Variants in XKR9 observed in about 807,000 individuals in gnomAD.
XKR9 encodes the protein XK related 9, also known as XK-related protein 9.
Under a neutral mutation model 32.0 loss-of-function variants are expected in XKR9, and 32 were observed. The observed-to-expected ratio is 1.00, with a 90% CI of 0.76 to 1.34. XKR9 has a LOEUF of 1.34. XKR9 is among the 40% of genes most tolerant of loss of function. The pLI is 0.00. For synonymous variants in XKR9, 168 were observed against 143.4 expected (o/e 1.17, Z -1.22); for missense variants, 546 against 429.7 (o/e 1.27, Z -2.39).
intron 3 of XKR9, among the ~76,000 whole-genome samples, chr8:70,687,270 C>T (rs549370051): frequency 6.6e-6 from 1 of 152,184 alleles, no homozygotes; most frequent in African/African-American, 2.4e-5. Context: ...GTTTCATCCA[C>T]GTAGTTGCAA....
the XKR9 span, among the ~76,000 whole-genome samples, chr8:71,007,238 T>C: frequency 6.6e-6 from 1 of 152,182 alleles, no homozygotes; most frequent in African/African-American, 2.4e-5. Flanking sequence ...ATCATAATCC[T>C]GGGAGGGAAT....
At chr8:70,917,478 T>C in the XKR9 span, among the ~76,000 whole-genome samples, 4 of 152,166 alleles carry the variant, frequency 2.6e-5, no homozygotes, top group Admixed American at 1.3e-4. Context: ...ATTTATACTT[T>C]TTTTTTTGAC....
the XKR9 span, among the ~76,000 whole-genome samples, chr8:70,897,024 C>T: frequency 6.6e-6 from 1 of 152,056 alleles, no homozygotes; most frequent in East Asian, 1.9e-4. Flanking sequence ...TTCTTCTTCA[C>T]CCCATTCCCC....
At chr8:70,961,402 CA>C in the XKR9 span, among the ~76,000 whole-genome samples, 3 of 152,106 alleles carry the variant, frequency 2.0e-5, no homozygotes, top group Admixed American at 6.5e-5. Flanking sequence ...ACTTGAAATC[CA>C]AACTAATCCT....
chr8:70,865,505 G>T, the XKR9 span, among the ~76,000 whole-genome samples: 3 of 151,708 alleles, frequency 2.0e-5, no homozygotes. Context: ...TTTTGCAATT[G>T]TATTTTTTTA....
the XKR9 span, among the ~76,000 whole-genome samples, chr8:70,990,982 T>C: frequency 6.6e-6 from 1 of 152,240 alleles, no homozygotes; most frequent in East Asian, 1.9e-4. Flanking sequence ...GTCTTTCACC[T>C]TCTTCCAAGT....
chr8:70,794,499 C>T (rs1365467197), downstream of XKR9, among the ~76,000 whole-genome samples: 1 of 151,952 alleles, frequency 6.6e-6, no homozygotes, highest in Non-Finnish European at 1.5e-5. Flanking sequence ...TTTCATATGA[C>T]CTTTATTAGA....
the XKR9 span, among the ~76,000 whole-genome samples, chr8:70,886,579 A>G: frequency 5.9e-5 from 9 of 152,188 alleles, no homozygotes; most frequent in Non-Finnish European, 1.0e-4. Flanking sequence ...AATAATTGTC[A>G]TTCTAACTGG....
At chr8:70,942,388 T>C in the XKR9 span, among the ~76,000 whole-genome samples, 2 of 152,158 alleles carry the variant, frequency 1.3e-5, no homozygotes, top group African/African-American at 4.8e-5. Context: ...CCTTGCAGCA[T>C]GATGTTTTAC....
the XKR9 span, among the ~76,000 whole-genome samples, chr8:70,957,569 T>G: frequency 3.9e-5 from 6 of 152,196 alleles, no homozygotes; most frequent in African/African-American, 1.4e-4. Flanking sequence ...CAGTGTGTAT[T>G]GTTCCCCAAG....
the XKR9 span, among the ~76,000 whole-genome samples, chr8:71,024,612 C>T: frequency 2.6e-5 from 4 of 152,168 alleles, no homozygotes; most frequent in Non-Finnish European, 5.9e-5. Context: ...CTCCAGGGAG[C>T]TCCTTATACC....
chr8:70,805,363 C>G, the XKR9 span, among the ~76,000 whole-genome samples: 2 of 152,348 alleles, frequency 1.3e-5, no homozygotes, highest in Admixed American at 1.3e-4. Flanking sequence ...AGTCTAGCAG[C>G]TGGAATCTGC....
the XKR9 span, among the ~76,000 whole-genome samples, chr8:70,870,346 T>C: frequency 6.6e-6 from 1 of 152,224 alleles, no homozygotes; most frequent in Non-Finnish European, 1.5e-5. Context: ...TCAATATTAA[T>C]GACTAAGTTT....
chr8:70,898,182 T>C, the XKR9 span, among the ~76,000 whole-genome samples: 1 of 152,204 alleles, frequency 6.6e-6, no homozygotes, highest in Admixed American at 6.5e-5. Context: ...CTTTCTCCAA[T>C]AAACATTCTT....
chr8:70,944,472 G>A, the XKR9 span, among the ~76,000 whole-genome samples: 1 of 152,220 alleles, frequency 6.6e-6, no homozygotes, highest in Admixed American at 6.5e-5. Context: ...GAGTACATGA[G>A]AGTGTGAGGT....
intron 3 of XKR9, chr8:70,789,473 C>T (rs978647246): frequency 1.3e-5 from 2 of 152,020 alleles, no homozygotes; most frequent in African/African-American, 4.8e-5. Flanking sequence ...TAAGTCATTT[C>T]TTTGTTGATA....
the XKR9 span, among the ~76,000 whole-genome samples, chr8:71,046,385 C>A: frequency 2.0e-5 from 3 of 152,162 alleles, no homozygotes; most frequent in African/African-American, 7.2e-5. Context: ...AGCAGTGTCC[C>A]TTCTGTGCAT....
At chr8:70,670,314 C>T (rs1818669006) in intron 1 of XKR9, among the ~76,000 whole-genome samples, 1 of 152,174 alleles carries the variant, frequency 6.6e-6, no homozygotes. Flanking sequence ...CTCATTTTCT[C>T]TGTAACAAGT....
the XKR9 span, among the ~76,000 whole-genome samples, chr8:70,979,438 T>A: frequency 1.3e-5 from 2 of 152,210 alleles, no homozygotes; most frequent in Non-Finnish European, 2.9e-5. Context: ...ATGTCCTTTT[T>A]GTTGATGTTT....
Sources: gnomAD v4.1 joint callset for allele counts (sites outside exome capture counted in the v4.1 genomes callset) on GRCh38, gnomAD v4.1.1 for gene constraint, MANE v1.5 for transcripts, NCBI Gene and HGNC (gene_info 2026-07-23, HGNC 2026-07-21) for gene names.